KLHL32: variants seen among roughly 807,000 people sequenced by gnomAD.
KLHL32 encodes kelch-like protein 32.
In KLHL32, 35 loss-of-function variants were observed where a neutral mutation model predicts 64.8. The ratio of observed to expected loss-of-function variants is 0.54; its 90% CI spans 0.41 to 0.72. The LOEUF is 0.72. Ranked by LOEUF, KLHL32 falls within the 30% of genes least tolerant of loss-of-function variation. The pLI is 0.00. For missense variants in KLHL32, 589 were observed against 768.5 expected (o/e 0.77, Z 2.76); for synonymous variants, 259 against 281.0 (o/e 0.92, Z 0.78).
At chr6:97,061,540 A>T (rs1043732723) in intron 4 of KLHL32, among the ~76,000 whole-genome samples, 2 of 152,140 alleles carry the variant, frequency 1.3e-5, no homozygotes, top group Non-Finnish European at 2.9e-5. Flanking sequence ...GTGTGCTTTC[A>T]GATCTTGGGG....
chr6:96,946,523 C>G (rs1771937700), intron 1 of KLHL32, among the ~76,000 whole-genome samples: 1 of 152,020 alleles, frequency 6.6e-6, no homozygotes, highest in South Asian at 2.1e-4. Flanking sequence ...ATTCTTAAGT[C>G]AAGAATCTGT....
chr6:97,063,393 T>C (rs974422841), intron 4 of KLHL32, among the ~76,000 whole-genome samples: 9 of 152,132 alleles, frequency 5.9e-5, no homozygotes, highest in African/African-American at 1.9e-4. Context: ...AGAGAACCTA[T>C]AGTGATGCAG....
rs1272524755 is a variant in KLHL32 at position 97,055,810 on chromosome 6, A to AC, written c.313-8818_313-8817insC. ...GAGAACCTGTCTAAAAAAAAAAAAA[A>AC]AAAAAAAAAAAACCCCTTCTTATTT... On this transcript the variant is annotated intron_variant, in intron 4 of 10. Transcript: ENST00000369261. 1.3e-4 allele frequency among the ~76,000 whole-genome samples: 20 copies of AC among 149,784 alleles called. 1 individual carries two copies. The highest frequency in any genetic ancestry group is 3.3e-4 in the Admixed American group (5 of 15,054).
At chr6:97,013,789 C>T (rs531522406) in intron 3 of KLHL32, among the ~76,000 whole-genome samples, 2 of 152,202 alleles carry the variant, frequency 1.3e-5, no homozygotes, top group African/African-American at 4.8e-5. Flanking sequence ...AAGAAAACAG[C>T]GTATTATGGG....
chr6:97,077,520 A>C (rs998195), intron 5 of KLHL32, among the ~76,000 whole-genome samples: 57,616 of 151,934 alleles, frequency 0.38, 11,616 homozygotes, highest in East Asian at 0.45. Context: ...GAAAACAAGG[A>C]GACCCAAGAT....
chr6:97,051,479 G>A (rs981715961), intron 4 of KLHL32, among the ~76,000 whole-genome samples: 1 of 152,178 alleles, frequency 6.6e-6, no homozygotes, highest in South Asian at 2.1e-4. Context: ...AACCCTCCTA[G>A]TTAACTCAGT....
At chr6:97,087,638 G>A (rs1485109335) in intron 6 of KLHL32, among the ~76,000 whole-genome samples, 1 of 152,178 alleles carries the variant, frequency 6.6e-6, no homozygotes, top group African/African-American at 2.4e-5. Flanking sequence ...ATGGAGGGGG[G>A]CGTGCTATTT....
chr6:97,139,003 T>A, intron 10 of KLHL32, 118 bp from the exon 11 acceptor site: 1 of 906,372 alleles, frequency 1.1e-6, no homozygotes, highest in Non-Finnish European at 1.7e-6. Flanking sequence ...AAAGAATTCC[T>A]AAGATATGGT....
chr6:97,112,639 G>T (rs531509174), intron 6 of KLHL32, among the ~76,000 whole-genome samples: 2 of 151,822 alleles, frequency 1.3e-5, no homozygotes, highest in East Asian at 3.9e-4. Flanking sequence ...TAAAGACAGG[G>T]TTTCACCATG....
At chr6:96,949,766 C>T (rs1039982773) in intron 1 of KLHL32, among the ~76,000 whole-genome samples, 1 of 151,894 alleles carries the variant, frequency 6.6e-6, no homozygotes, top group African/African-American at 2.4e-5. Flanking sequence ...CTCTTTTTTT[C>T]CCCTCCTAAA....
At position 97,130,968 on chromosome 6, in the gene KLHL32, G is replaced by C; in HGVS notation, c.1606+19G>C. 1.3e-6 allele frequency: 2 copies of C among 1,598,280 alleles called. No homozygotes were observed. The highest frequency in any genetic ancestry group is 1.7e-6 in the Non-Finnish European group (2 of 1,170,288). On this transcript the variant is annotated intron_variant, in intron 9 of 10. Coordinates refer to ENST00000369261, the MANE Select transcript of KLHL32 (RefSeq NM_052904.4). ...CTGACTGGCAAGTACCTTTGATTAA[G>C]TAAATCAGGAAAAGTAGATTCAAGA...
At chr6:97,055,223 A>G (rs553230523) in intron 4 of KLHL32, among the ~76,000 whole-genome samples, 39 of 152,280 alleles carry the variant, frequency 2.6e-4, no homozygotes, top group African/African-American at 9.4e-4. Flanking sequence ...CAGTACACAT[A>G]TCATAAGGAA....
At chr6:97,086,205 A>G (rs1793390978) in intron 6 of KLHL32, among the ~76,000 whole-genome samples, 1 of 152,234 alleles carries the variant, frequency 6.6e-6, no homozygotes, top group Non-Finnish European at 1.5e-5. Context: ...AAAGTCTTCT[A>G]TTAGCTGATT....
intron 1 of KLHL32, among the ~76,000 whole-genome samples, chr6:96,945,422 G>A (rs1771802178): frequency 2.0e-5 from 3 of 152,218 alleles, no homozygotes; most frequent in South Asian, 2.1e-4. Flanking sequence ...CACAGACCTT[G>A]TGGAGAGAAT....
intron 1 of KLHL32, among the ~76,000 whole-genome samples, chr6:96,933,280 G>A (rs140529666): frequency 1.3e-3 from 199 of 152,178 alleles, no homozygotes; most frequent in African/African-American, 4.6e-3. Flanking sequence ...CTGTATTCTT[G>A]GAATTCTGCT....
intron 3 of KLHL32, among the ~76,000 whole-genome samples, chr6:96,990,180 A>G (rs761752642): frequency 1.3e-5 from 2 of 152,194 alleles, no homozygotes; most frequent in Non-Finnish European, 2.9e-5. Flanking sequence ...TTGACTTGCC[A>G]GAGTTTTTGT....
At chr6:96,995,619 C>T (rs1297733961) in intron 3 of KLHL32, among the ~76,000 whole-genome samples, 3 of 152,190 alleles carry the variant, frequency 2.0e-5, no homozygotes, top group Non-Finnish European at 4.4e-5. Context: ...TCTCCAAACA[C>T]ATTCTTTCCA....
chr6:96,911,096 A>C, the KLHL32 span, among the ~76,000 whole-genome samples: 2 of 152,208 alleles, frequency 1.3e-5, no homozygotes, highest in Non-Finnish European at 2.9e-5. Context: ...GCCGTAACAA[A>C]GTACCACAAA....
chr6:97,011,725 G>C (rs1780429263), intron 3 of KLHL32, among the ~76,000 whole-genome samples: 2 of 152,156 alleles, frequency 1.3e-5, no homozygotes, highest in South Asian at 4.1e-4. Context: ...TGACATAAAA[G>C]TATTTAAAAC....
Sources: allele counts gnomAD v4.1 joint callset (sites outside exome capture counted in the v4.1 genomes callset), GRCh38; gene constraint gnomAD v4.1.1; transcripts MANE v1.5; gene names NCBI Gene and HGNC (gene_info 2026-07-23, HGNC 2026-07-21).